The following SECISBP2 variants were observed in gnomAD, a reference collection of about 807,000 sequenced individuals.
The protein encoded by SECISBP2 is SECIS binding protein 2.
A neutral mutation model predicts 98.2 loss-of-function variants in SECISBP2; 96 were observed. The ratio of observed to expected loss-of-function variants is 0.98; its 90% CI spans 0.83 to 1.16. The LOEUF (loss-of-function observed/expected upper bound fraction) is 1.16. Ranked by LOEUF, SECISBP2 falls within the 50% of genes most tolerant of loss-of-function variation. The pLI is 0.00. For missense variants in SECISBP2, 1,046 were observed against 1,022.9 expected, an observed-to-expected ratio of 1.02 and a Z score of -0.31; for synonymous variants, 407 against 370.2, an observed-to-expected ratio of 1.10 and a Z score of -1.14.
At chr9:89,339,262 G>T (rs1829283390) in intron 8 of SECISBP2, among the ~76,000 whole-genome samples, 1 of 152,172 alleles carries the variant, frequency 6.6e-6, no homozygotes, top group African/African-American at 2.4e-5. Context: ...CTTGGGGTGG[G>T]GGTTCCCAAG....
intron 15 of SECISBP2, 143 bp downstream of exon 15, chr9:89,357,708 C>T (rs1394112201): frequency 1.9e-6 from 2 of 1,036,852 alleles, no homozygotes; most frequent in South Asian, 1.4e-5. Flanking sequence ...TAGGCAGAAC[C>T]TTCTTATAAA....
chr9:89,318,787 T>G, intron 1 of SECISBP2, 175 bp downstream of exon 1: 9 of 1,247,268 alleles, frequency 7.2e-6, no homozygotes, highest in Non-Finnish European at 9.2e-6. Context: ...GGGTCCGCCT[T>G]GGGGTGGCGG....
At chr9:89,338,385 GTT>G in intron 7 of SECISBP2, 71 bp from the exon 8 acceptor site, 2 of 1,530,912 alleles carry the variant, frequency 1.3e-6, no homozygotes, top group Non-Finnish European at 1.8e-6. Flanking sequence ...TCTTAATTTT[GTT>G]GATACATAGT....
At position 89,357,987 on chromosome 9, in the gene SECISBP2, C is replaced by T. The variant is rs865829267; in HGVS notation, c.2269-12C>T. ...CTGGGATGTTACCTGTGTGCTCTCA[C>T]TTGTGCCCAAGGATCAGTTCCACAA... On this transcript the variant is annotated splice_polypyrimidine_tract_variant and intron_variant, in intron 15 of 16. Transcript: ENST00000375807. 6.2e-7 allele frequency: 1 copy of T among 1,612,206 alleles called. No individual in the cohort carries two copies. Among genetic ancestry groups the T allele is most frequent in the African/African-American group, 1.3e-5 (1 of 74,820 alleles).
intron 14 of SECISBP2, 109 bp downstream of exon 14, chr9:89,350,961 C>G (rs1426229642): frequency 8.9e-6 from 8 of 901,782 alleles, no homozygotes; most frequent in Non-Finnish European, 1.5e-5. Context: ...CTTGACAACT[C>G]GTTTTCTTTG....
chr9:89,357,763 A>G (rs1239113653), intron 15 of SECISBP2, among the ~76,000 whole-genome samples, 198 bp downstream of exon 15: 1 of 152,212 alleles, frequency 6.6e-6, no homozygotes, highest in African/African-American at 2.4e-5. Flanking sequence ...TCTGGTTCTG[A>G]ACTGAGCTCT....
At chr9:89,362,319 G>A, downstream of SECISBP2, 1 of 1,612,446 alleles carries the variant, frequency 6.2e-7, no homozygotes, top group Non-Finnish European at 8.5e-7. Flanking sequence ...TGGGGGACCA[G>A]GCCTTCTCCG....
In SECISBP2 at chr9:89,318,515, G is replaced by A. The variant is rs566421906; in HGVS notation, c.-62G>A. The A allele has an allele frequency of 3.3e-6, 5 of 1,499,014 alleles. No individual in the cohort carries two copies. The South Asian group carries it at 4.9e-5, about 15-fold the overall frequency. The allele number at this position is 1,499,014 out of a possible 1,614,324, so 92.9% of individuals were successfully genotyped here. On this transcript the variant is annotated 5_prime_UTR_variant, in exon 1 of 17. Coordinates refer to ENST00000375807, the MANE Select transcript of SECISBP2 (RefSeq NM_024077.5). ...CTGCGGGGGCGGAAACGCTTTGTCT[G>A]TCCGGCAAGCCGACGGCCCGCTGCT...
chr9:89,333,856 C>A (rs1381364080), intron 6 of SECISBP2, among the ~76,000 whole-genome samples: 1 of 152,196 alleles, frequency 6.6e-6, no homozygotes, highest in East Asian at 1.9e-4. Context: ...TTCTCATGTT[C>A]GATATGTATG....
chr9:89,364,390 C>T (rs908345058), downstream of SECISBP2: 18 of 270,414 alleles, frequency 6.7e-5, no homozygotes, highest in Admixed American at 2.7e-4. Context: ...GCCCAGAGCT[C>T]GGCCAGCTGT....
chr9:89,324,049 A>G (rs1026829066), intron 2 of SECISBP2: 1 of 152,116 alleles, frequency 6.6e-6, no homozygotes, highest in African/African-American at 2.4e-5. Flanking sequence ...TTATCTATTT[A>G]TTGGACTTGG....
chr9:89,363,509 C>T (rs1250824143), downstream of SECISBP2: 8 of 1,613,994 alleles, frequency 5.0e-6, no homozygotes, highest in Non-Finnish European at 6.8e-6. Context: ...TCTGGTCCAC[C>T]TCTCCTGGTG....
chr9:89,349,790 G>A lies in SECISBP2; in HGVS notation c.1753G>A (p.Asp585Asn). Reference protein sequence around the residue: ...QAELSGPEGMDELISTPSVED... With the variant: ...QAELSGPEGMNELISTPSVED... ...CCTCCATGAAGGGCCAGAGGGGATG[G>A]ACGAACTGATCTCCACTCCTTCGGT... Residue 585 changes from aspartate to asparagine, a missense_variant, in exon 13 of 17, where the codon GAC (aspartate) becomes AAC (asparagine). Physicochemically the swap from Asp to Asn is conservative, Grantham distance 23 (BLOSUM62 1). Transcript: ENST00000375807. 5 of 1,614,194 alleles carry A rather than the reference G, an allele frequency of 3.1e-6. No individual in the cohort carries two copies. The highest frequency in any genetic ancestry group is 4.2e-6 in the Non-Finnish European group (5 of 1,180,032).
rs1162788065 is a variant in SECISBP2 at position 89,325,581 on chromosome 9, T to C, written c.337T>C (p.Tyr113His). ...VYSVPGSQYL[Y>H]NQPSCYRGFQ... ...CTCAGTGCCTGGCTCCCAGTATCTT[T>C]ATAACCAACCCAGTTGTTACCGAGG... The change falls in exon 3 of 17, where the codon TAT becomes CAT. Residue 113 changes from tyrosine to histidine, a missense_variant. Physicochemically the swap from Tyr to His is moderately conservative, Grantham distance 83. Coordinates refer to ENST00000375807, the MANE Select transcript of SECISBP2 (RefSeq NM_024077.5). 2 of 1,614,196 alleles carry C rather than the reference T, an allele frequency of 1.2e-6. No individual in the cohort carries two copies. The highest frequency in any genetic ancestry group is 1.7e-5 in the Admixed American group (1 of 60,036).
intron 12 of SECISBP2, 121 bp from the exon 13 acceptor site, chr9:89,349,655 C>T: frequency 9.5e-7 from 1 of 1,049,008 alleles, no homozygotes; most frequent in South Asian, 1.3e-5. Flanking sequence ...TGCATGTTGT[C>T]TGTGAATGTG....
At chr9:89,359,972 A>G (rs1238503080), downstream of SECISBP2, among the ~76,000 whole-genome samples, 1 of 152,194 alleles carries the variant, frequency 6.6e-6, no homozygotes, top group East Asian at 1.9e-4. Context: ...CAGTCTTGGC[A>G]ATATTGTACC....
intron 14 of SECISBP2, among the ~76,000 whole-genome samples, chr9:89,354,089 C>G (rs1472535120): frequency 6.6e-6 from 1 of 152,250 alleles, no homozygotes; most frequent in East Asian, 1.9e-4. Flanking sequence ...ATAATCTGAG[C>G]CTAGCATCTT....
At chr9:89,320,188 C>G (rs1444142133) in intron 2 of SECISBP2, among the ~76,000 whole-genome samples, 1 of 151,948 alleles carries the variant, frequency 6.6e-6, no homozygotes, top group African/African-American at 2.4e-5. Flanking sequence ...GAAACTCCGT[C>G]TCCACAAAAA....
chr9:89,359,681 G>A (rs1440540796), downstream of SECISBP2: 1 of 152,030 alleles, frequency 6.6e-6, no homozygotes, highest in African/African-American at 2.4e-5. Flanking sequence ...CTTCTCAGTG[G>A]TCTCTGTCTT....
Sources: allele counts gnomAD v4.1 joint callset (sites outside exome capture counted in the v4.1 genomes callset), GRCh38; gene constraint gnomAD v4.1.1; transcripts MANE v1.5; gene names NCBI Gene and HGNC (gene_info 2026-07-23, HGNC 2026-07-21).